Variants in SKP2 observed in about 807,000 individuals in gnomAD.
The protein encoded by SKP2 is S-phase kinase associated protein 2, also known as S-phase kinase-associated protein 2.
A neutral mutation model predicts 51.8 loss-of-function variants in SKP2; 16 were observed. The ratio of observed to expected loss-of-function variants is 0.31; its 90% CI spans 0.21 to 0.47. The LOEUF (loss-of-function observed/expected upper bound fraction) is 0.47. SKP2 is among the 20% of genes least tolerant of loss of function. SKP2 has a pLI of 1.00. For synonymous variants in SKP2, 176 were observed against 198.6 expected (o/e 0.89, Z 0.96); for missense variants, 377 against 505.3 (o/e 0.75, Z 2.43).
At chr5:36,178,796 AAAG>A (rs1265665195) in intron 9 of SKP2, among the ~76,000 whole-genome samples, 1 of 152,068 alleles carries the variant, frequency 6.6e-6, no homozygotes, top group Non-Finnish European at 1.5e-5. Flanking sequence ...CTGCAGAAAG[AAAG>A]AAGCTAAGCA....
rs201458229 is a variant in SKP2, at chr5:36,152,825, G to T, written c.63G>T (p.Thr21=). The part of the protein sequence containing the change: ...DLSSNVATSF[T]WGWDSSKTSE... ...GTAGCAACGTTGCCACCAGCTTCAC[G>T]TGGGGATGGGATTCCAGCAAGACTT... Residue 21 remains threonine, a synonymous_variant, in exon 2 of 10, where the codon ACG becomes ACT. Coordinates refer to ENST00000274255, the MANE Select transcript of SKP2 (RefSeq NM_005983.4). The T allele has an allele frequency of 6.2e-7, 1 of 1,614,004 alleles. No individual in the cohort carries two copies. The highest frequency in any genetic ancestry group is 1.3e-5 in the African/African-American group (1 of 74,910).
chr5:36,174,181 G>T (rs907990207), intron 7 of SKP2, among the ~76,000 whole-genome samples: 8 of 152,114 alleles, frequency 5.3e-5, no homozygotes, highest in Non-Finnish European at 1.0e-4. Context: ...CTTGACTTCT[G>T]TAGCTGAAAT....
At chr5:36,153,616 C>A (rs565518683) in intron 2 of SKP2, among the ~76,000 whole-genome samples, 2 of 152,152 alleles carry the variant, frequency 1.3e-5, no homozygotes, top group Non-Finnish European at 2.9e-5. Flanking sequence ...CCACCGCCCC[C>A]CAACATCCAG....
At position 36,166,604 on chromosome 5, in the gene SKP2, G is replaced by A; in HGVS notation, c.478G>A (p.Val160Met). ...DVTGRLLSQGVIAFRCPRSFM... is the reference protein window; with the variant it reads ...DVTGRLLSQGMIAFRCPRSFM... ...GACTGGTCGGTTGCTGTCTCAAGGG[G>A]TGATTGCCTTCCGCTGCCCACGATC... The change falls in exon 4 of 10, where the codon GTG becomes ATG. Residue 160 changes from valine (V) to methionine (M), a missense_variant. Transcript: ENST00000274255. The A allele has an allele frequency of 6.2e-7, 1 of 1,613,972 alleles. No homozygotes were observed. Among genetic ancestry groups the A allele is most frequent in the Non-Finnish European group, 8.5e-7 (1 of 1,179,906 alleles).
downstream of SKP2, among the ~76,000 whole-genome samples, chr5:36,188,653 G>T (rs1745978062): frequency 6.6e-6 from 1 of 152,152 alleles, no homozygotes; most frequent in Non-Finnish European, 1.5e-5. Context: ...CTCTCTGGCT[G>T]CCCTTAACAT....
intron 6 of SKP2, among the ~76,000 whole-genome samples, chr5:36,170,784 C>G (rs560487858): frequency 1.3e-5 from 2 of 152,296 alleles, no homozygotes; most frequent in South Asian, 2.1e-4. Flanking sequence ...GTAGACCTAA[C>G]TTACAATTTT....
At position 36,182,054 on chromosome 5, in the gene SKP2, CTCT is replaced by C; in HGVS notation, c.*28_*30del. On this transcript the variant is annotated 3_prime_UTR_variant, in exon 10 of 10. Coordinates refer to ENST00000274255, the MANE Select transcript of SKP2 (RefSeq NM_005983.4). The stretch of plus-strand genomic sequence containing the variant: ...TGAAGTATTTATTGCAGGATGGTGT[CTCT>C]TCTTTAGAACAGGGAAAATAGGCAG... 1.9e-6 allele frequency: 3 copies of C among 1,611,850 alleles called. No homozygotes were observed. Among genetic ancestry groups the C allele is most frequent in the Non-Finnish European group, 2.5e-6 (3 of 1,178,588 alleles).
Position 36,152,213 on chromosome 5 carries a change from C to T in SKP2, c.-50C>T. The stretch of plus-strand genomic sequence containing the variant: ...CCAAAGCGGGAATCTGGGAGGCGAG[C>T]AGCTCTGCAGTTAATGCACGTATTT... On this transcript the variant is annotated 5_prime_UTR_variant, in exon 1 of 10. Coordinates refer to ENST00000274255, the MANE Select transcript of SKP2 (RefSeq NM_005983.4). The T allele has an allele frequency of 6.2e-7, 1 of 1,607,216 alleles. No homozygotes were observed. Among genetic ancestry groups the T allele is most frequent in the Non-Finnish European group, 8.5e-7 (1 of 1,174,012 alleles).
Position 36,183,571 on chromosome 5 carries a change from T to C in SKP2, c.*1540T>C. 1 of 1,054,268 alleles carries C rather than the reference T, an allele frequency of 9.5e-7. No individual in the cohort carries two copies. Among genetic ancestry groups the C allele is most frequent in the Non-Finnish European group, 1.1e-6 (1 of 875,700 alleles). The allele number at this position is 1,054,268 out of a possible 1,614,324, so 65.3% of individuals were successfully genotyped here. ...CATGAGCAACTGCGCCCAGCCAAAT[T>C]CTACTTCTTAAAAATCACAAAAACT... On this transcript the variant is annotated 3_prime_UTR_variant, in exon 10 of 10. Transcript: ENST00000274255.
Position 36,176,824 on chromosome 5 carries a change from A to G in SKP2, c.902-141A>G, listed in dbSNP as rs1197449139. ...GAAAATTTTATGTTCCAAGATGATC[A>G]TTTTTTCTTTCTAATAGTGTGTGGT... On this transcript the variant is annotated intron_variant, in intron 7 of 9. Transcript: ENST00000274255. 6.0e-5 allele frequency: 31 copies of G among 514,060 alleles called. No homozygotes were observed. In the South Asian group the frequency reaches 1.1e-3, roughly 18 times the overall value. 31.8% of individuals were successfully genotyped at this position (514,060 alleles called of 1,614,324 possible).
chr5:36,190,934 C>T (rs139909917), intron 6 of SKP2, among the ~76,000 whole-genome samples: 14 of 152,138 alleles, frequency 9.2e-5, no homozygotes, highest in African/African-American at 2.9e-4. Flanking sequence ...TCAGTTGTCT[C>T]GTGTTTTCTT....
chr5:36,154,451 A>G (rs1361147334), intron 2 of SKP2, among the ~76,000 whole-genome samples: 1 of 152,018 alleles, frequency 6.6e-6, no homozygotes, highest in Admixed American at 6.6e-5. Context: ...TTGTGATGGG[A>G]CCTGATTTAA....
chr5:36,189,926 C>G (rs910745475), intron 6 of SKP2, among the ~76,000 whole-genome samples: 2 of 152,194 alleles, frequency 1.3e-5, no homozygotes, highest in African/African-American at 4.8e-5. Context: ...ATGGCAGGCA[C>G]CCCTCCCCTA....
chr5:36,184,976 C>G (rs537412132), downstream of SKP2, among the ~76,000 whole-genome samples: 48 of 152,252 alleles, frequency 3.2e-4, no homozygotes, highest in Admixed American at 6.5e-4. Flanking sequence ...GAGATGGTAT[C>G]TCATTGTGGT....
At chr5:36,158,444 C>A (rs1031920809) in intron 2 of SKP2, among the ~76,000 whole-genome samples, 1 of 152,252 alleles carries the variant, frequency 6.6e-6, no homozygotes, top group South Asian at 2.1e-4. Context: ...GTGGTACCCC[C>A]ACCCGGGGCC....
Position 36,182,488 on chromosome 5 carries a change from A to G in SKP2, c.*457A>G. 1 of 987,816 alleles carries G rather than the reference A, an allele frequency of 1.0e-6. No homozygotes were observed. Among genetic ancestry groups the G allele is most frequent in the East Asian group, 1.1e-4 (1 of 8,916 alleles). The allele number at this position is 987,816 out of a possible 1,614,324, so 61.2% of individuals were successfully genotyped here. On this transcript the variant is annotated 3_prime_UTR_variant, in exon 10 of 10. Coordinates refer to ENST00000274255, the MANE Select transcript of SKP2 (RefSeq NM_005983.4). ...GCTATTTGTATTATGAGCTGAACAA[A>G]AAGAGAATCATAGGATAGTAGCGTC...
intron 6 of SKP2, among the ~76,000 whole-genome samples, chr5:36,189,932 C>G (rs943548055): frequency 2.0e-5 from 3 of 152,182 alleles, no homozygotes; most frequent in Non-Finnish European, 2.9e-5. Flanking sequence ...GGCACCCCTC[C>G]CCTAGCCTCG....
chr5:36,186,268 G>A (rs1561046648), downstream of SKP2, among the ~76,000 whole-genome samples: 1 of 152,054 alleles, frequency 6.6e-6, no homozygotes, highest in Non-Finnish European at 1.5e-5. Flanking sequence ...TGATTGCCCT[G>A]GCCAGAACTT....
At chr5:36,180,721 G>C (rs762931453) in intron 9 of SKP2, among the ~76,000 whole-genome samples, 1 of 152,142 alleles carries the variant, frequency 6.6e-6, no homozygotes, top group Non-Finnish European at 1.5e-5. Flanking sequence ...GGATGCCTTG[G>C]AAATTGGTAT....
Sources: allele counts gnomAD v4.1 joint callset (sites outside exome capture counted in the v4.1 genomes callset), GRCh38; gene constraint gnomAD v4.1.1; transcripts MANE v1.5; gene names NCBI Gene and HGNC (gene_info 2026-07-23, HGNC 2026-07-21).